FAM184A: variants seen among roughly 807,000 people sequenced by gnomAD.
FAM184A encodes the protein protein FAM184A.
FAM184A carries 99 observed loss-of-function variants against 143.8 expected under a neutral mutation model. The ratio of observed to expected loss-of-function variants is 0.69; its 90% confidence interval spans 0.58 to 0.81. FAM184A has a LOEUF of 0.81. FAM184A is among the 40% of genes least tolerant of loss of function. The probability of loss-of-function intolerance (pLI) is 0.00; values close to 1 mark genes in which losing one functional copy is unlikely to be tolerated. For missense variants in FAM184A, 1,217 were observed against 1,310.5 expected (o/e 0.93, Z 1.10); for synonymous variants, 427 against 446.4 (o/e 0.96, Z 0.55).
chr6:119,068,474 T>G (rs79196859), intron 1 of FAM184A, among the ~76,000 whole-genome samples: 1 of 152,248 alleles, frequency 6.6e-6, no homozygotes, highest in South Asian at 2.1e-4. Context: ...ATAATAATTC[T>G]ATGAAGTACG....
chr6:119,073,683 A>C (rs1268413856), intron 1 of FAM184A, among the ~76,000 whole-genome samples: 3 of 152,198 alleles, frequency 2.0e-5, no homozygotes, highest in Non-Finnish European at 4.4e-5. Context: ...CTAGGGAAAA[A>C]GGCTTTGAGG....
At chr6:119,131,463 G>A (rs959246188) in intron 1 of FAM184A, among the ~76,000 whole-genome samples, 5 of 152,080 alleles carry the variant, frequency 3.3e-5, no homozygotes, top group African/African-American at 1.2e-4. Flanking sequence ...TGTTTGCCAT[G>A]TATGGAGGGC....
At chr6:119,049,176 G>A (rs998889906) in intron 1 of FAM184A, among the ~76,000 whole-genome samples, 5 of 152,186 alleles carry the variant, frequency 3.3e-5, no homozygotes, top group African/African-American at 9.7e-5. Flanking sequence ...CGCCAGGCGC[G>A]GTGGCTCACG....
chr6:119,063,701 T>C (rs907530436), intron 1 of FAM184A, among the ~76,000 whole-genome samples: 4 of 152,144 alleles, frequency 2.6e-5, no homozygotes, highest in African/African-American at 9.7e-5. Flanking sequence ...CAGGTAATAG[T>C]TGCTCCAAAG....
intron 9 of FAM184A, among the ~76,000 whole-genome samples, chr6:118,994,468 C>CCT (rs1336286392): frequency 6.6e-6 from 1 of 151,572 alleles, no homozygotes; most frequent in African/African-American, 2.4e-5. Context: ...AGGTGGATCA[C>CCT]AAGGTCAAGA....
intron 1 of FAM184A, among the ~76,000 whole-genome samples, chr6:119,085,852 C>T (rs1425059825): frequency 3.9e-5 from 6 of 152,194 alleles, no homozygotes; most frequent in South Asian, 2.1e-4. Context: ...ACACGTCTTA[C>T]ATGGCCAGAG....
At chr6:119,055,344 T>A (rs1786925169) in intron 1 of FAM184A, among the ~76,000 whole-genome samples, 2 of 152,240 alleles carry the variant, frequency 1.3e-5, no homozygotes, top group Admixed American at 1.3e-4. Flanking sequence ...AAATATGTAA[T>A]GCTGCTGTGA....
chr6:119,110,107 TGA>T (rs934955324), intron 1 of FAM184A, among the ~76,000 whole-genome samples: 9 of 152,164 alleles, frequency 5.9e-5, no homozygotes, highest in African/African-American at 2.2e-4. Context: ...TAACAGGAAG[TGA>T]GAAGTCCTGC....
chr6:119,082,461 G>A (rs1281870949), upstream of FAM184A, among the ~76,000 whole-genome samples: 2 of 152,216 alleles, frequency 1.3e-5, no homozygotes, highest in Admixed American at 1.3e-4. Flanking sequence ...TTCCACCTAT[G>A]AGCCTATAAA....
At chr6:119,039,571 G>A (rs989976872) in intron 1 of FAM184A, among the ~76,000 whole-genome samples, 1 of 152,208 alleles carries the variant, frequency 6.6e-6, no homozygotes, top group Non-Finnish European at 1.5e-5. Flanking sequence ...TCTAGAAAAG[G>A]CAGAAGTATG....
rs1340221080 is a variant in FAM184A at position 118,975,097 on chromosome 6, C to G, written c.2695G>C (p.Ala899Pro). Residue 899 changes from alanine to proline, a missense_variant, in exon 13 of 18, where the codon GCC (alanine) becomes CCC (proline). By Grantham distance (27) the Ala-to-Pro change is conservative (BLOSUM62 -1). Coordinates refer to ENST00000338891, the MANE Select transcript of FAM184A (RefSeq NM_024581.6). ...TTAAATTCCAGTTCTTTGGTTAGGG[C>G]ACTTATATTCTCATGAAGGTGCTGA... ...EVQHLHENIS[A>P]LTKELEFKGK... The G allele has an allele frequency of 1.2e-6, 2 of 1,613,138 alleles. No individual in the cohort carries two copies. Among genetic ancestry groups the G allele is most frequent in the Non-Finnish European group, 1.7e-6 (2 of 1,179,496 alleles).
intron 15 of FAM184A, among the ~76,000 whole-genome samples, chr6:118,965,474 T>A (rs974831318): frequency 6.6e-6 from 1 of 152,158 alleles, no homozygotes; most frequent in African/African-American, 2.4e-5. Context: ...CCTTTACCTT[T>A]GGCTTCACCA....
intron 2 of FAM184A, among the ~76,000 whole-genome samples, chr6:119,023,562 C>CGG (rs1554269170): frequency 8.5e-6 from 1 of 118,204 alleles, no homozygotes; most frequent in African/African-American, 3.4e-5. Flanking sequence ...TCCGCCCCCC[C>CGG]CCCCAGGAAC....
chr6:119,118,182 T>C (rs926337069), intron 1 of FAM184A, among the ~76,000 whole-genome samples: 1 of 152,208 alleles, frequency 6.6e-6, no homozygotes, highest in African/African-American at 2.4e-5. Flanking sequence ...TTTTTTATAA[T>C]AATGAAAAAC....
At chr6:119,010,764 T>C (rs550372071) in intron 6 of FAM184A, among the ~76,000 whole-genome samples, 1 of 152,336 alleles carries the variant, frequency 6.6e-6, no homozygotes, top group South Asian at 2.1e-4. Context: ...TTTGTCATTT[T>C]TGTTTTCATA....
chr6:119,069,072 C>T (rs757891840), intron 1 of FAM184A: 2 of 370,796 alleles, frequency 5.4e-6, no homozygotes, highest in Admixed American at 5.7e-5. Context: ...ACAAAAGCAA[C>T]TGAGGTTCTT....
At chr6:119,147,581 A>G (rs1021646537) in intron 1 of FAM184A, among the ~76,000 whole-genome samples, 13 of 152,196 alleles carry the variant, frequency 8.5e-5, no homozygotes, top group African/African-American at 3.1e-4. Flanking sequence ...AGAGAAGGAA[A>G]CCAACCCCCT....
At chr6:119,016,684 G>A (rs1434826344) in intron 5 of FAM184A, 63 bp downstream of exon 5, 24 of 1,423,936 alleles carry the variant, frequency 1.7e-5, no homozygotes, top group East Asian at 4.6e-5. Flanking sequence ...CACCAATTCC[G>A]GACACACTAC....
chr6:119,006,439 G>A lies in FAM184A; in HGVS notation c.1815+8C>T. The A allele has an allele frequency of 6.2e-7, 1 of 1,606,348 alleles. No homozygotes were observed. The highest frequency in any genetic ancestry group is 8.5e-7 in the Non-Finnish European group (1 of 1,177,398). ...GCTGTTTAGATTGCAGTAGAATTAT[G>A]AAATTACCTCCACATTTAATAGAGC... On this transcript the variant is annotated splice_region_variant and intron_variant, in intron 7 of 17. Transcript: ENST00000338891.
Sources: gnomAD v4.1 joint callset for allele counts (sites outside exome capture counted in the v4.1 genomes callset) on GRCh38, gnomAD v4.1.1 for gene constraint, MANE v1.5 for transcripts, NCBI Gene and HGNC (gene_info 2026-07-23, HGNC 2026-07-21) for gene names.